FHIT: variants seen among roughly 807,000 people sequenced by gnomAD.
FHIT encodes the protein fragile histidine triad diadenosine triphosphatase.
In FHIT, 19 loss-of-function variants were observed where a neutral mutation model predicts 17.9. The ratio of observed to expected loss-of-function variants is 1.06; its 90% CI spans 0.74 to 1.56. The LOEUF (loss-of-function observed/expected upper bound fraction) is 1.56. Among genes scored for constraint, FHIT ranks in the 40% most tolerant of loss-of-function variants. FHIT has a pLI of 0.00. For synonymous variants in FHIT, 81 were observed against 69.7 expected (o/e 1.16, Z -0.81); for missense variants, 248 against 189.2 (o/e 1.31, Z -1.82).
rs190611516 is a variant in FHIT, at chr3:59,748,113, G to C, written c.*1472C>G. Among the ~76,000 whole-genome samples, 224 of 152,224 alleles carry C rather than the reference G, an allele frequency of 1.5e-3. 1 individual carries two copies. The highest frequency in any genetic ancestry group is 5.1e-3 in the African/African-American group (210 of 41,534). On this transcript the variant is annotated 3_prime_UTR_variant, in exon 10 of 10. Coordinates refer to ENST00000492590, the MANE Select transcript of FHIT (RefSeq NM_002012.4). ...AGTTGCTAAGGCAAGCAACTATGCA[G>C]AGCTGGAAATCATCAGCATTGTTTT...
At chr3:60,219,448 G>A (rs1262923826) in intron 5 of FHIT, among the ~76,000 whole-genome samples, 1 of 152,100 alleles carries the variant, frequency 6.6e-6, no homozygotes, top group Non-Finnish European at 1.5e-5. Context: ...TAAACAAAAG[G>A]TAGTTTGTAT....
intron 8 of FHIT, among the ~76,000 whole-genome samples, chr3:59,841,341 T>C (rs1402244765): frequency 6.6e-6 from 1 of 152,156 alleles, no homozygotes; most frequent in Non-Finnish European, 1.5e-5. Context: ...AGGTGGATAG[T>C]GATTAGCAAG....
intron 5 of FHIT, among the ~76,000 whole-genome samples, chr3:60,085,739 A>G (rs1233241645): frequency 1.3e-5 from 2 of 152,172 alleles, no homozygotes; most frequent in Non-Finnish European, 2.9e-5. Flanking sequence ...TGGTTTATAT[A>G]TCAAATGACC....
intron 5 of FHIT, among the ~76,000 whole-genome samples, chr3:60,062,546 C>G (rs370491936): frequency 6.6e-6 from 1 of 152,144 alleles, no homozygotes; most frequent in African/African-American, 2.4e-5. Flanking sequence ...ATGGTAGGGC[C>G]TGAATTTAAC....
chr3:60,195,439 C>T (rs1287487075), intron 5 of FHIT, among the ~76,000 whole-genome samples: 1 of 150,126 alleles, frequency 6.7e-6, no homozygotes, highest in Non-Finnish European at 1.5e-5. Flanking sequence ...GTCATGAGAT[C>T]AAAAAAGACA....
intron 4 of FHIT, among the ~76,000 whole-genome samples, chr3:60,738,535 C>T (rs996133809): frequency 4.6e-5 from 7 of 152,268 alleles, no homozygotes; most frequent in East Asian, 3.9e-4. Flanking sequence ...TTACCGTGAC[C>T]GCAAGGATGG....
At chr3:60,286,346 T>C (rs1707728640) in intron 5 of FHIT, among the ~76,000 whole-genome samples, 1 of 152,208 alleles carries the variant, frequency 6.6e-6, no homozygotes, top group Non-Finnish European at 1.5e-5. Context: ...GTACATAATA[T>C]GAGTTGCAAA....
rs887150163 is a variant in FHIT at position 59,871,107 on chromosome 3, C to T, written c.348+51239G>A. On this transcript the variant is annotated intron_variant, in intron 8 of 9. Transcript: ENST00000492590. ...TATCCAAGACTGACAACTTGCATTT[C>T]TTCAGGACTGGCACTGATCCTCCAG... 4.6e-5 allele frequency among the ~76,000 whole-genome samples: 7 copies of T among 152,262 alleles called. No individual in the cohort carries two copies. In the South Asian group the frequency reaches 1.2e-3, roughly 27 times the overall value.
At chr3:59,791,725 C>A (rs1053351812) in intron 8 of FHIT, among the ~76,000 whole-genome samples, 2 of 152,030 alleles carry the variant, frequency 1.3e-5, no homozygotes, top group African/African-American at 4.8e-5. Context: ...ATTAAAAAAA[C>A]GGTGCAATTC....
intron 5 of FHIT, among the ~76,000 whole-genome samples, chr3:60,528,659 G>C (rs745629984): frequency 2.0e-4 from 31 of 152,128 alleles, no homozygotes; most frequent in Admixed American, 1.3e-4. Context: ...GAATATAAAG[G>C]AGCTTCTTCC....
intron 4 of FHIT, among the ~76,000 whole-genome samples, chr3:60,619,258 G>T (rs1002438539): frequency 3.9e-5 from 6 of 151,976 alleles, no homozygotes; most frequent in Admixed American, 1.3e-4. Context: ...TTAAATGTGC[G>T]CATAAAAAAC....
At chr3:60,393,429 C>T (rs1326281760) in intron 5 of FHIT, among the ~76,000 whole-genome samples, 1 of 149,344 alleles carries the variant, frequency 6.7e-6, no homozygotes. Context: ...TATAATTTTA[C>T]ATATAACTTA....
At chr3:60,978,507 G>A (rs1217205536) in intron 3 of FHIT, among the ~76,000 whole-genome samples, 1 of 152,146 alleles carries the variant, frequency 6.6e-6, no homozygotes. Context: ...CTGCAGTAAA[G>A]AGAAATAAAG....
Position 60,652,954 on chromosome 3 carries a change from A to AAAACCAAACC in FHIT, c.-17-115976_-17-115975insGGTTTGGTTT, listed in dbSNP as rs1553688706. ...AAAACAAAACAAAACAAAACAAAAC[A>AAAACCAAACC]AAACCTTACTCTAGCACATTGCGAT... On this transcript the variant is annotated intron_variant, in intron 4 of 9. Coordinates refer to ENST00000492590, the MANE Select transcript of FHIT (RefSeq NM_002012.4). Among the ~76,000 whole-genome samples, 110 of 130,178 alleles carry AAAACCAAACC rather than the reference A, an allele frequency of 8.4e-4. 1 individual carries two copies. The highest frequency in any genetic ancestry group is 1.2e-3 in the Non-Finnish European group (68 of 58,538). 85.4% of individuals were successfully genotyped at this position (130,178 alleles called of 152,430 possible). A position where few individuals can be genotyped will look rare whatever the true frequency, so the allele number is the denominator to read the frequency against.
intron 4 of FHIT, chr3:60,690,425 A>T: frequency 1.7e-6 from 1 of 580,752 alleles, no homozygotes; most frequent in Non-Finnish European, 3.4e-6. Context: ...TTTGCCATGG[A>T]CAGGATGCCA....
intron 5 of FHIT, among the ~76,000 whole-genome samples, chr3:60,020,422 G>T (rs149749176): frequency 6.3e-4 from 96 of 151,992 alleles, no homozygotes; most frequent in African/African-American, 2.1e-3. Context: ...TCTATTCTAG[G>T]GATTCAGAAT....
rs117798174 is a variant in FHIT, at chr3:61,043,334, C to T, written c.-163-1235G>A. Reference sequence around the variant, plus strand: ...CGCGCCTAGCTCGGAGGGTCCCACGCCTAGCTCGGAGGGTCCCACGCCCAC... The same window carrying T: ...CGCGCCTAGCTCGGAGGGTCCCACGTCTAGCTCGGAGGGTCCCACGCCCAC... On this transcript the variant is annotated intron_variant, in intron 2 of 9. Transcript: ENST00000492590. Among the ~76,000 whole-genome samples the T allele has an allele frequency of 1.7e-3, 253 of 152,332 alleles. 2 individuals are homozygous for T. The South Asian group carries it at 0.024, about 15-fold the overall frequency.
At chr3:60,849,958 GCTAA>G (rs1309527732) in intron 3 of FHIT, among the ~76,000 whole-genome samples, 1 of 152,036 alleles carries the variant, frequency 6.6e-6, no homozygotes, top group Non-Finnish European at 1.5e-5. Context: ...CTCAGGTCAG[GCTAA>G]CTATTTCCTT....
At chr3:60,657,659 G>A (rs1443759438) in intron 4 of FHIT, among the ~76,000 whole-genome samples, 1 of 152,058 alleles carries the variant, frequency 6.6e-6, no homozygotes, top group African/African-American at 2.4e-5. Context: ...TCCCTAATCA[G>A]GCCTTAACTT....
Sources: gnomAD v4.1 joint callset for allele counts (sites outside exome capture counted in the v4.1 genomes callset) on GRCh38, gnomAD v4.1.1 for gene constraint, MANE v1.5 for transcripts, NCBI Gene and HGNC (gene_info 2026-07-23, HGNC 2026-07-21) for gene names.